Variants in GPATCH2 observed in about 807,000 individuals in gnomAD.
The protein encoded by GPATCH2 is G-patch domain containing 2, also known as G patch domain-containing protein 2.
A neutral mutation model predicts 58.0 loss-of-function variants in GPATCH2; 51 were observed. The ratio of observed to expected loss-of-function variants is 0.88; its 90% CI spans 0.70 to 1.11. GPATCH2 has a LOEUF of 1.11. Ranked by LOEUF, GPATCH2 falls within the 50% of genes most tolerant of loss-of-function variation. The pLI is 0.00. For synonymous variants in GPATCH2, 222 were observed against 218.5 expected (o/e 1.02, Z -0.14); for missense variants, 625 against 652.2 (o/e 0.96, Z 0.45).
intron 8 of GPATCH2, among the ~76,000 whole-genome samples, chr1:217,452,672 C>CA (rs1659723443): frequency 6.6e-6 from 1 of 151,398 alleles, no homozygotes; most frequent in Admixed American, 6.6e-5. Context: ...TCTTCTAAAC[C>CA]TTTTTTTTTC....
At chr1:217,483,874 A>G (rs1312947701) in intron 8 of GPATCH2, among the ~76,000 whole-genome samples, 1 of 152,184 alleles carries the variant, frequency 6.6e-6, no homozygotes, top group Non-Finnish European at 1.5e-5. Context: ...TCTTGATATA[A>G]ATATTTTATA....
intron 5 of GPATCH2, among the ~76,000 whole-genome samples, chr1:217,589,307 A>G (rs753158768): frequency 2.6e-5 from 4 of 151,230 alleles, no homozygotes; most frequent in Non-Finnish European, 5.9e-5. Context: ...TCCCCTCTAG[A>G]AGACACCATG....
intron 5 of GPATCH2, among the ~76,000 whole-genome samples, chr1:217,555,294 T>C (rs925450946): frequency 3.9e-5 from 6 of 152,186 alleles, no homozygotes; most frequent in Non-Finnish European, 5.9e-5. Context: ...AGTCTAATGA[T>C]GTTCAATAAT....
chr1:217,627,990 T>C (rs1284332353), intron 1 of GPATCH2, among the ~76,000 whole-genome samples: 1 of 152,102 alleles, frequency 6.6e-6, no homozygotes, highest in Non-Finnish European at 1.5e-5. Context: ...TATATTCAAA[T>C]GCATTAGGCA....
intron 5 of GPATCH2, among the ~76,000 whole-genome samples, chr1:217,582,798 A>T (rs147492963): frequency 2.8e-3 from 430 of 152,316 alleles, no homozygotes; most frequent in Middle Eastern, 0.01. Flanking sequence ...ATCTGATTTG[A>T]TTTCTTATAT....
At chr1:217,608,437 G>A (rs1668463556) in intron 5 of GPATCH2, 1 of 984,812 alleles carries the variant, frequency 1.0e-6, no homozygotes, top group African/African-American at 1.7e-5. Context: ...ATTTAGAGAG[G>A]GAAAGCAGCT....
At chr1:217,447,815 G>C (rs528829286) in intron 9 of GPATCH2, among the ~76,000 whole-genome samples, 1 of 152,282 alleles carries the variant, frequency 6.6e-6, no homozygotes, top group African/African-American at 2.4e-5. Flanking sequence ...GAACGTGGCT[G>C]GGTGCGGTGG....
At chr1:217,496,831 A>G (rs1237780869) in intron 7 of GPATCH2, among the ~76,000 whole-genome samples, 3 of 152,186 alleles carry the variant, frequency 2.0e-5, no homozygotes, top group Non-Finnish European at 2.9e-5. Context: ...TTGACTACAT[A>G]GAACATAACT....
At chr1:217,569,519 AC>A (rs1666431944) in intron 5 of GPATCH2, among the ~76,000 whole-genome samples, 1 of 151,222 alleles carries the variant, frequency 6.6e-6, no homozygotes, top group Non-Finnish European at 1.5e-5. Flanking sequence ...ACGTGGCGAA[AC>A]CCCGCCTCTA....
chr1:217,450,407 C>G (rs1214088238), intron 8 of GPATCH2, among the ~76,000 whole-genome samples: 1 of 152,026 alleles, frequency 6.6e-6, no homozygotes, highest in Non-Finnish European at 1.5e-5. Context: ...TATTTAAACA[C>G]ATATACTCAT....
chr1:217,529,514 C>G (rs1022054891), intron 5 of GPATCH2, among the ~76,000 whole-genome samples: 3 of 152,268 alleles, frequency 2.0e-5, no homozygotes, highest in African/African-American at 7.2e-5. Context: ...GTCTGTTTCC[C>G]CTTTGACCTT....
chr1:217,554,695 A>T (rs1665534970), intron 5 of GPATCH2, among the ~76,000 whole-genome samples: 1 of 152,166 alleles, frequency 6.6e-6, no homozygotes, highest in Non-Finnish European at 1.5e-5. Context: ...GTGGAATGTA[A>T]ATCCTATACA....
At chr1:217,532,276 T>C (rs1235357711) in intron 5 of GPATCH2, among the ~76,000 whole-genome samples, 1 of 152,220 alleles carries the variant, frequency 6.6e-6, no homozygotes, top group East Asian at 1.9e-4. Flanking sequence ...AGAAGCTGCA[T>C]ATTAAATATT....
intron 2 of GPATCH2, among the ~76,000 whole-genome samples, chr1:217,617,537 C>G (rs1467376756): frequency 1.3e-5 from 2 of 152,168 alleles, no homozygotes; most frequent in African/African-American, 4.8e-5. Context: ...ATCTGACACA[C>G]ACACACAGCC....
At chr1:217,541,566 G>T (rs993124601) in intron 5 of GPATCH2, among the ~76,000 whole-genome samples, 32 of 152,052 alleles carry the variant, frequency 2.1e-4, no homozygotes, top group African/African-American at 2.4e-5. Flanking sequence ...GATTTGAAAA[G>T]AGCTCATTTC....
At chr1:217,538,411 T>C (rs539049244) in intron 5 of GPATCH2, among the ~76,000 whole-genome samples, 1 of 152,348 alleles carries the variant, frequency 6.6e-6, no homozygotes, top group South Asian at 2.1e-4. Context: ...CTTTAACAAC[T>C]TTATAAATAA....
intron 5 of GPATCH2, chr1:217,610,086 G>A: frequency 1.3e-6 from 2 of 1,526,012 alleles, no homozygotes; most frequent in Non-Finnish European, 1.8e-6. Flanking sequence ...AAGAGGACAG[G>A]AGCCAGGTTC....
chr1:217,625,590 A>C (rs1303185019), intron 1 of GPATCH2, among the ~76,000 whole-genome samples: 1 of 152,160 alleles, frequency 6.6e-6, no homozygotes, highest in Non-Finnish European at 1.5e-5. Context: ...ATATATAGAA[A>C]AGTTAGTCAG....
intron 5 of GPATCH2, among the ~76,000 whole-genome samples, chr1:217,584,344 A>AAATAT (rs1463910405): frequency 9.8e-6 from 1 of 101,864 alleles, no homozygotes; most frequent in South Asian, 3.4e-4. Context: ...AAAAAAAAAA[A>AAATAT]ATATATATAT....
Sources: gnomAD v4.1 joint callset for allele counts (sites outside exome capture counted in the v4.1 genomes callset) on GRCh38, gnomAD v4.1.1 for gene constraint, MANE v1.5 for transcripts, NCBI Gene and HGNC (gene_info 2026-07-23, HGNC 2026-07-21) for gene names.